UBAC2: variants seen among roughly 807,000 people sequenced by gnomAD.
UBAC2 encodes the protein ubiquitin-associated domain-containing protein 2.
A neutral mutation model predicts 44.0 loss-of-function variants in UBAC2; 26 were observed. The ratio of observed to expected loss-of-function variants is 0.59; its 90% CI spans 0.43 to 0.82. UBAC2 has a LOEUF of 0.82. Among genes scored for constraint, UBAC2 ranks in the 40% least tolerant of loss-of-function variants. The pLI, the probability that UBAC2 is intolerant of heterozygous loss-of-function variation, is 0.00. For missense variants in UBAC2, 329 were observed against 419.4 expected (o/e 0.78, Z 1.88); for synonymous variants, 155 against 154.3 (o/e 1.00, Z -0.04).
intron 4 of UBAC2, chr13:99,256,438 A>G (rs533674751): frequency 1.3e-5 from 2 of 152,320 alleles, no homozygotes; most frequent in South Asian, 2.1e-4. Context: ...TTTCTAGTGC[A>G]CAATTGGGAG....
chr13:99,279,580 G>A (rs1314806159), intron 4 of UBAC2, among the ~76,000 whole-genome samples: 1 of 152,210 alleles, frequency 6.6e-6, no homozygotes, highest in Non-Finnish European at 1.5e-5. Flanking sequence ...GACTGTGTTA[G>A]TTTGTCTCAC....
chr13:99,213,112 C>CA (rs2042952712), intron 1 of UBAC2, among the ~76,000 whole-genome samples: 3 of 151,930 alleles, frequency 2.0e-5, no homozygotes, highest in Non-Finnish European at 2.9e-5. Flanking sequence ...ATACATATAC[C>CA]TATACATTTG....
intron 8 of UBAC2, among the ~76,000 whole-genome samples, chr13:99,370,676 C>A (rs141459253): frequency 2.1e-4 from 32 of 152,324 alleles, no homozygotes; most frequent in Middle Eastern, 3.4e-3. Flanking sequence ...GATCTCATAG[C>A]CACCCATGGG....
intron 7 of UBAC2, among the ~76,000 whole-genome samples, chr13:99,357,245 T>G (rs541839118): frequency 1.3e-5 from 2 of 152,348 alleles, no homozygotes; most frequent in Admixed American, 1.3e-4. Flanking sequence ...TGGTGTGTAG[T>G]AGGCGATCAC....
At chr13:99,229,158 A>C (rs1019723875) in intron 1 of UBAC2, among the ~76,000 whole-genome samples, 3 of 152,204 alleles carry the variant, frequency 2.0e-5, no homozygotes, top group Non-Finnish European at 4.4e-5. Flanking sequence ...TGTGGTTGGG[A>C]TAGCAAAACT....
intron 1 of UBAC2, among the ~76,000 whole-genome samples, chr13:99,218,244 A>G (rs1270666827): frequency 6.6e-6 from 1 of 152,232 alleles, no homozygotes; most frequent in Non-Finnish European, 1.5e-5. Context: ...CCTAAGAAGT[A>G]TAAACCCAAC....
In UBAC2 at chr13:99,349,680, A is replaced by G. The variant is rs59217154; in HGVS notation, c.807+9115A>G. On this transcript the variant is annotated intron_variant, in intron 7 of 8. Transcript: ENST00000403766. ...CGTCAGCGTTTTCTTCTATGCACTT[A>G]TAAGAAAGATCAAAGACTTTAAGAC... 2.0e-5 allele frequency among the ~76,000 whole-genome samples: 3 copies of G among 152,364 alleles called. No individual in the cohort carries two copies. The East Asian group carries it at 5.8e-4, about 29-fold the overall frequency.
chr13:99,256,354 G>C (rs1431082777), intron 4 of UBAC2: 1 of 152,364 alleles, frequency 6.6e-6, no homozygotes, highest in Non-Finnish European at 1.5e-5. Flanking sequence ...ATTATCATAG[G>C]TTGAGAAACA....
intron 7 of UBAC2, among the ~76,000 whole-genome samples, chr13:99,341,616 G>A (rs910995312): frequency 6.6e-6 from 1 of 152,156 alleles, no homozygotes; most frequent in African/African-American, 2.4e-5. Flanking sequence ...TATAGGTGAT[G>A]GAGTCACCTC....
intron 4 of UBAC2, among the ~76,000 whole-genome samples, chr13:99,257,063 C>G (rs565135146): frequency 6.6e-6 from 1 of 152,158 alleles, no homozygotes; most frequent in African/African-American, 2.4e-5. Context: ...ACACAAGAAA[C>G]GTGCCTGTCT....
At chr13:99,285,480 A>G (rs2044007220) in intron 4 of UBAC2, among the ~76,000 whole-genome samples, 1 of 151,628 alleles carries the variant, frequency 6.6e-6, no homozygotes, top group Non-Finnish European at 1.5e-5. Context: ...GTAACGTCAA[A>G]CTTCTGGGCT....
chr13:99,228,184 T>A (rs2043132366), intron 1 of UBAC2, among the ~76,000 whole-genome samples: 2 of 152,146 alleles, frequency 1.3e-5, no homozygotes, highest in Admixed American at 1.3e-4. Context: ...TCACCCCTGC[T>A]CCATCTGCAG....
chr13:99,208,186 G>C (rs548844580), intron 1 of UBAC2, among the ~76,000 whole-genome samples: 28 of 151,922 alleles, frequency 1.8e-4, no homozygotes, highest in South Asian at 6.3e-4. Context: ...TAGTAGAGAC[G>C]GGGTTTCTCC....
At chr13:99,332,484 C>A (rs991384864) in intron 6 of UBAC2, among the ~76,000 whole-genome samples, 1 of 152,198 alleles carries the variant, frequency 6.6e-6, no homozygotes, top group African/African-American at 2.4e-5. Context: ...CTCAGACTTA[C>A]AGGGTCACAG....
intron 1 of UBAC2, among the ~76,000 whole-genome samples, chr13:99,229,694 T>C (rs1035503916): frequency 2.6e-5 from 4 of 152,198 alleles, no homozygotes; most frequent in African/African-American, 9.7e-5. Context: ...ATTTTAATAA[T>C]CAATGGGGAA....
chr13:99,331,987 A>G (rs931874542), intron 6 of UBAC2, among the ~76,000 whole-genome samples: 1 of 152,088 alleles, frequency 6.6e-6, no homozygotes, highest in South Asian at 2.1e-4. Context: ...CATGAAGTCT[A>G]TGTGCTGGGG....
chr13:99,334,805 G>A (rs2138816287), intron 6 of UBAC2, among the ~76,000 whole-genome samples: 1 of 152,104 alleles, frequency 6.6e-6, no homozygotes, highest in East Asian at 1.9e-4. Context: ...ATGAATAATA[G>A]CTAAACACTC....
chr13:99,339,666 CAT>C (rs775251681), intron 6 of UBAC2, among the ~76,000 whole-genome samples: 1 of 151,636 alleles, frequency 6.6e-6, no homozygotes. Flanking sequence ...AAGGAATAGC[CAT>C]AGTCATTTTT....
chr13:99,221,526 G>T (rs1255012830), intron 1 of UBAC2, among the ~76,000 whole-genome samples: 4 of 152,208 alleles, frequency 2.6e-5, no homozygotes, highest in Non-Finnish European at 4.4e-5. Context: ...CACTGTTTCA[G>T]TGTACTCAGC....
Sources: allele counts gnomAD v4.1 joint callset (sites outside exome capture counted in the v4.1 genomes callset), GRCh38; gene constraint gnomAD v4.1.1; transcripts MANE v1.5; gene names NCBI Gene and HGNC (gene_info 2026-07-23, HGNC 2026-07-21).